Variants in NCOA3 observed in about 807,000 individuals in gnomAD.
NCOA3 encodes the protein nuclear receptor coactivator 3.
Under a neutral mutation model 158.8 loss-of-function variants are expected in NCOA3, and 51 were observed. The observed-to-expected ratio is 0.32, with a 90% confidence interval of 0.26 to 0.41. The LOEUF is 0.41. NCOA3 is among the 10% of genes least tolerant of loss of function. The pLI, the probability that NCOA3 is intolerant of heterozygous loss-of-function variation, is 1.00. For missense variants in NCOA3, 1,510 were observed against 1,746.6 expected (o/e 0.86, Z 2.41); for synonymous variants, 537 against 592.4 (o/e 0.91, Z 1.36).
At chr20:47,533,339 A>G (rs796843018) in intron 1 of NCOA3, among the ~76,000 whole-genome samples, 1 of 150,630 alleles carries the variant, frequency 6.6e-6, no homozygotes, top group South Asian at 2.1e-4. Context: ...TTCCCCTTCA[A>G]ATTAAAGCAT....
At position 47,530,358 on chromosome 20, in the gene NCOA3, G is replaced by A. The variant is rs1013564063; in HGVS notation, c.-99+28339G>A. 3.3e-5 allele frequency among the ~76,000 whole-genome samples: 5 copies of A among 151,378 alleles called. 1 individual carries two copies. The highest frequency in any genetic ancestry group is 5.9e-5 in the Non-Finnish European group (4 of 67,868). ...ACAGAAGAATGATGAGAAAATTAAA[G>A]TTTTAAAAGGATTTGTATAGAGGAG... On this transcript the variant is annotated intron_variant, in intron 1 of 22. Transcript: ENST00000371998.
chr20:47,522,955 C>T (rs932697392), intron 1 of NCOA3, among the ~76,000 whole-genome samples: 34 of 151,576 alleles, frequency 2.2e-4, no homozygotes, highest in Admixed American at 1.4e-3. Context: ...CTTTGGGAGG[C>T]CGAGGTGGGC....
At chr20:47,586,141 A>G (rs2085532408) in intron 2 of NCOA3, among the ~76,000 whole-genome samples, 1 of 150,990 alleles carries the variant, frequency 6.6e-6, no homozygotes, top group African/African-American at 2.4e-5. Flanking sequence ...CTGGTCTTGA[A>G]CTCCTGACCT....
chr20:47,527,481 CTGAG>C (rs1275802118), intron 1 of NCOA3, among the ~76,000 whole-genome samples: 1 of 151,884 alleles, frequency 6.6e-6, no homozygotes, highest in Non-Finnish European at 1.5e-5. Context: ...TATTTTGTTT[CTGAG>C]TATGTATATA....
At chr20:47,535,602 G>A (rs1208709808) in intron 1 of NCOA3, among the ~76,000 whole-genome samples, 1 of 151,836 alleles carries the variant, frequency 6.6e-6, no homozygotes, top group Non-Finnish European at 1.5e-5. Flanking sequence ...CCTCCTCCCA[G>A]GTTCAAGTGA....
chr20:47,647,073 G>T lies in NCOA3; in HGVS notation c.3253G>T (p.Gly1085Ter). The T allele has an allele frequency of 6.2e-7, 1 of 1,612,444 alleles. No individual in the cohort carries two copies. Among genetic ancestry groups the T allele is most frequent in the Non-Finnish European group, 8.5e-7 (1 of 1,178,946 alleles). ...ALGIPELVNQ[G>*]QALEPKQDAF... is the part of the protein sequence containing the mutation. Reference sequence around the variant, plus strand: ...TGTTCTTTTATGTGTTGTGTTTAAGGGACAGGCATTAGAGCCCAAACAGGA... The same window carrying T: ...TGTTCTTTTATGTGTTGTGTTTAAGTGACAGGCATTAGAGCCCAAACAGGA... Residue 1085 changes from glycine (G) to a stop codon, truncating the protein, a stop_gained and splice_region_variant, in exon 18 of 23, where the codon GGA (glycine) becomes TGA (stop). Transcript: ENST00000371998. LOFTEE classifies it high-confidence loss of function.
At chr20:47,601,731 G>A (rs1355766860) in intron 2 of NCOA3, among the ~76,000 whole-genome samples, 2 of 152,138 alleles carry the variant, frequency 1.3e-5, no homozygotes, top group African/African-American at 4.8e-5. Context: ...GCATTATTTA[G>A]AAGTTGATAT....
At chr20:47,527,192 A>G (rs1020844487) in intron 1 of NCOA3, among the ~76,000 whole-genome samples, 1 of 151,764 alleles carries the variant, frequency 6.6e-6, no homozygotes, top group African/African-American at 2.4e-5. Context: ...TTCTTGCTCT[A>G]TTGTTATGGC....
chr20:47,605,793 T>C (rs1474276412), intron 2 of NCOA3, among the ~76,000 whole-genome samples: 1 of 152,208 alleles, frequency 6.6e-6, no homozygotes, highest in Non-Finnish European at 1.5e-5. Context: ...TAATACAAAA[T>C]TCGTATTTTA....
At position 47,635,401 on chromosome 20, in the gene NCOA3, G is replaced by A. The variant is rs1175491436; in HGVS notation, c.1192G>A (p.Val398Ile). 2.5e-6 allele frequency: 4 copies of A among 1,614,042 alleles called. No individual in the cohort carries two copies. In the African/African-American group the frequency reaches 4.0e-5, roughly 16 times the overall value. Residue 398 changes from valine to isoleucine, a missense_variant, in exon 11 of 23, where the codon GTA becomes ATA. Val to Ile is a conservative substitution (Grantham distance 29, BLOSUM62 3). This residue lies in a region of NCOA3 where 1,017 missense variants were observed against 1,098.3 expected (regional missense o/e 0.93). Coordinates refer to ENST00000371998, the MANE Select transcript of NCOA3 (RefSeq NM_181659.3). ...ACCTATGGCTGGATGCAACAGTTCG[G>A]TAGGCGGCATGAGTATGTCGCCAAA... ...RPPMAGCNSS[V>I]GGMSMSPNQG... is the part of the protein sequence containing the mutation.
At chr20:47,649,949 TAAAG>T (rs1212332969) in intron 19 of NCOA3, among the ~76,000 whole-genome samples, 1 of 151,968 alleles carries the variant, frequency 6.6e-6, no homozygotes, top group East Asian at 2.0e-4. Context: ...TCTGAAAGTT[TAAAG>T]AAAGTTCAAG....
At chr20:47,541,937 T>C (rs1266053089) in intron 1 of NCOA3, among the ~76,000 whole-genome samples, 2 of 151,776 alleles carry the variant, frequency 1.3e-5, no homozygotes, top group East Asian at 3.9e-4. Context: ...CGACCTAAGT[T>C]TCTGTTAATA....
chr20:47,561,029 A>G (rs1393480280), intron 1 of NCOA3, among the ~76,000 whole-genome samples: 3 of 124,390 alleles, frequency 2.4e-5, no homozygotes, highest in African/African-American at 3.2e-5. Flanking sequence ...GTATAGTGGT[A>G]TGATTTTGGC....
At chr20:47,630,480 T>TTTTTTAG (rs2086395570) in intron 8 of NCOA3, 1 of 146,780 alleles carries the variant, frequency 6.8e-6, no homozygotes, top group African/African-American at 2.6e-5. Context: ...TTTTTTTTTT[T>TTTTTTAG]GAGACGGAGT....
At chr20:47,520,674 G>T (rs576550111) in intron 1 of NCOA3, among the ~76,000 whole-genome samples, 1 of 151,708 alleles carries the variant, frequency 6.6e-6, no homozygotes, top group Non-Finnish European at 1.5e-5. Context: ...GTCTTGCCTT[G>T]CCTGCCCTGG....
At chr20:47,549,560 CAAA>C (rs763889456) in intron 1 of NCOA3, among the ~76,000 whole-genome samples, 7 of 55,130 alleles carry the variant, frequency 1.3e-4, no homozygotes, top group Admixed American at 2.0e-4. Flanking sequence ...GACTCTGTCT[CAAA>C]AAAAAAAAAA....
chr20:47,567,728 C>A (rs2085221935), intron 1 of NCOA3, among the ~76,000 whole-genome samples: 1 of 151,980 alleles, frequency 6.6e-6, no homozygotes, highest in African/African-American at 2.4e-5. Flanking sequence ...TGCTACCGTG[C>A]CCGGCCAATA....
At chr20:47,502,190 C>A (rs1176194786) in intron 1 of NCOA3, among the ~76,000 whole-genome samples, 171 bp downstream of exon 1, 4 of 152,048 alleles carry the variant, frequency 2.6e-5, no homozygotes, top group Non-Finnish European at 4.4e-5. Context: ...GTGTCGGGGC[C>A]GCGCCGCTTC....
At position 47,633,501 on chromosome 20, in the gene NCOA3, G is replaced by A. The variant is rs1481032064; in HGVS notation, c.829G>A (p.Val277Ile). ...TTCCTTTTTTTGTTTAATAGGAAAG[G>A]TTGTCAATATAGATACAAATTCACT... Reference protein sequence around the residue: ...FITRHDLSGKVVNIDTNSLRS... With the variant: ...FITRHDLSGKIVNIDTNSLRS... The change falls in exon 9 of 23, where the codon GTT (valine) becomes ATT (isoleucine). Residue 277 changes from valine (V) to isoleucine (I), a missense_variant. By Grantham distance (29) the Val-to-Ile change is conservative. Transcript: ENST00000371998. 2 of 1,605,918 alleles carry A rather than the reference G, an allele frequency of 1.2e-6. No homozygotes were observed. Among genetic ancestry groups the A allele is most frequent in the African/African-American group, 1.3e-5 (1 of 74,282 alleles).
Sources: allele counts gnomAD v4.1 joint callset (sites outside exome capture counted in the v4.1 genomes callset), GRCh38; gene constraint gnomAD v4.1.1; regional missense constraint gnomAD v4.1.1; transcripts MANE v1.5; gene names NCBI Gene and HGNC (gene_info 2026-07-23, HGNC 2026-07-21).